Variants in FBXW8 observed in about 807,000 individuals in gnomAD.
The protein encoded by FBXW8 is F-box/WD repeat-containing protein 8.
Under a neutral mutation model 65.3 loss-of-function variants are expected in FBXW8, and 57 were observed. That is an observed-to-expected ratio of 0.87 (90% confidence interval 0.71 to 1.09). FBXW8 has a LOEUF of 1.09. Ranked by LOEUF, FBXW8 falls within the 50% of genes least tolerant of loss-of-function variation. The probability of loss-of-function intolerance (pLI) is 0.00; values close to 1 mark genes in which losing one functional copy is unlikely to be tolerated. For missense variants in FBXW8, 777 were observed against 814.8 expected (o/e 0.95, Z 0.57); for synonymous variants, 308 against 330.2 (o/e 0.93, Z 0.73).
intron 7 of FBXW8, among the ~76,000 whole-genome samples, chr12:116,999,133 G>A (rs1302484200): frequency 6.6e-6 from 1 of 152,210 alleles, no homozygotes; most frequent in Non-Finnish European, 1.5e-5. Context: ...TTAATTTACA[G>A]GGTAAATCCC....
intron 10 of FBXW8, among the ~76,000 whole-genome samples, 177 bp from the exon 11 acceptor site, chr12:117,027,851 C>G (rs112623191): frequency 2.6e-5 from 4 of 152,376 alleles, no homozygotes; most frequent in African/African-American, 9.6e-5. Context: ...TGTGCACCCC[C>G]ACGTTGACCG....
chr12:116,988,133 A>G (rs1421777338), intron 6 of FBXW8, among the ~76,000 whole-genome samples: 2 of 152,238 alleles, frequency 1.3e-5, no homozygotes, highest in Non-Finnish European at 2.9e-5. Flanking sequence ...GTTTTTAGCT[A>G]AGACACAATT....
chr12:116,975,265 G>A (rs996556816), intron 5 of FBXW8, among the ~76,000 whole-genome samples: 1 of 151,976 alleles, frequency 6.6e-6, no homozygotes, highest in African/African-American at 2.4e-5. Flanking sequence ...TAACAAAACA[G>A]TATAAACTGG....
Position 116,936,295 on chromosome 12 carries a change from G to C in FBXW8, c.423+8168G>C, listed in dbSNP as rs1025323802. On this transcript the variant is annotated intron_variant, in intron 2 of 10. Transcript: ENST00000652555. The surrounding 1 kb of genome is among the most constrained non-coding windows in gnomAD (Gnocchi z 4.6). ...GAGGCAGGGTGCGCCTGTTGTGTTT[G>C]AAGAACAGCAGGAAGGTCCAAGTGG... Among the ~76,000 whole-genome samples, 1 of 152,208 alleles carries C rather than the reference G, an allele frequency of 6.6e-6. No homozygotes were observed. Among genetic ancestry groups the C allele is most frequent in the African/African-American group, 2.4e-5 (1 of 41,446 alleles).
chr12:116,957,657 T>C (rs942386557), intron 4 of FBXW8, among the ~76,000 whole-genome samples: 1 of 152,188 alleles, frequency 6.6e-6, no homozygotes, highest in Admixed American at 6.5e-5. Context: ...TCCATTTTTC[T>C]CCTTTTTTAA....
intron 7 of FBXW8, among the ~76,000 whole-genome samples, chr12:116,989,265 C>A (rs1007562127): frequency 6.6e-6 from 1 of 152,178 alleles, no homozygotes; most frequent in Non-Finnish European, 1.5e-5. Context: ...CCAAGCTCTC[C>A]CTCTCTAGGA....
chr12:116,921,100 T>G (rs1880863836), intron 1 of FBXW8, among the ~76,000 whole-genome samples: 1 of 152,214 alleles, frequency 6.6e-6, no homozygotes, highest in African/African-American at 2.4e-5. Flanking sequence ...GATTGGCATC[T>G]TCTACCTTCT....
In FBXW8 at chr12:116,949,677, G is replaced by A. The variant is rs771554969; in HGVS notation, c.648G>A (p.Val216=). The A allele has an allele frequency of 3.7e-6, 6 of 1,614,186 alleles. No individual in the cohort carries two copies. The East Asian group carries it at 1.3e-4, about 36-fold the overall frequency. Residue 216 remains valine (V), a synonymous_variant, in exon 4 of 11, where the codon GTG becomes GTA. Coordinates refer to ENST00000652555, the MANE Select transcript of FBXW8 (RefSeq NM_153348.3). ...TTCCTGACACAGTTTTGTGTGATGT[G>A]CATTCTCACGATGGTGTGGTCATTG... ...EHVPDTVLCD[V]HSHDGVVIAG...
intron 7 of FBXW8, chr12:117,002,648 C>T (rs1258474292): frequency 6.6e-6 from 1 of 152,202 alleles, no homozygotes. Flanking sequence ...CAAGGACTTA[C>T]AAAATAGTCT....
rs777410294 is a variant in FBXW8, at chr12:117,024,166, C to T, written c.1387C>T (p.Arg463Cys). 19 of 1,613,924 alleles carry T rather than the reference C, an allele frequency of 1.2e-5. No homozygotes were observed. The highest frequency in any genetic ancestry group is 2.2e-5 in the East Asian group (1 of 44,882). The change falls in exon 9 of 11, where the codon CGC becomes TGC. Residue 463 changes from arginine to cysteine, a missense_variant. Coordinates refer to ENST00000652555, the MANE Select transcript of FBXW8 (RefSeq NM_153348.3). The part of the protein sequence containing the change: ...MDGRVRIHDL[R>C]SGNIALSLSA... ...GTCCAGGGTGAGGATCCACGACCTCCGCAGTGGTAACATCGCCCTGTCGCT... is the reference window on the plus strand; with the variant it reads ...GTCCAGGGTGAGGATCCACGACCTCTGCAGTGGTAACATCGCCCTGTCGCT...
intron 8 of FBXW8, among the ~76,000 whole-genome samples, chr12:117,012,556 G>T (rs1346023345): frequency 9.9e-5 from 15 of 152,156 alleles, no homozygotes. Context: ...GAATGAGGAA[G>T]CTAGACTAAG....
At chr12:116,979,903 G>A (rs530842091) in intron 5 of FBXW8, among the ~76,000 whole-genome samples, 13 of 152,142 alleles carry the variant, frequency 8.5e-5, no homozygotes, top group Admixed American at 2.6e-4. Flanking sequence ...GAGAGAAGTC[G>A]TAGAGATCTT....
At chr12:116,942,852 A>ACTGCAACCTCTGCCTCC (rs1314373526) in intron 2 of FBXW8, among the ~76,000 whole-genome samples, 1 of 125,022 alleles carries the variant, frequency 8.0e-6, no homozygotes, top group African/African-American at 3.2e-5. Context: ...ATCTCGGCTC[A>ACTGCAACCTCTGCCTCC]CTGCAACCTC....
chr12:116,911,163 C>T lies in FBXW8; in HGVS notation c.126C>T (p.Gly42=). The change falls in exon 1 of 11, where the codon GGC becomes GGT. Residue 42 remains glycine (G), a synonymous_variant. Transcript: ENST00000652555. ...GGCGGGCTCGGCGGCCGGAGGTGGGCTCCGGGCGCGGCGAACAGGCCTCGG... is the reference window on the plus strand; with the variant it reads ...GGCGGGCTCGGCGGCCGGAGGTGGGTTCCGGGCGCGGCGAACAGGCCTCGG... ...AERRARRPEV[G]SGRGEQASGD... is the part of the protein sequence containing the mutation. 1 of 1,334,678 alleles carries T rather than the reference C, an allele frequency of 7.5e-7. No individual in the cohort carries two copies. The highest frequency in any genetic ancestry group is 2.0e-5 in the South Asian group (1 of 49,860). 82.7% of individuals were successfully genotyped at this position (1,334,678 alleles called of 1,614,324 possible).
intron 2 of FBXW8, among the ~76,000 whole-genome samples, chr12:116,939,433 CGTTTT>C (rs1185511804): frequency 1.3e-5 from 2 of 152,172 alleles, no homozygotes; most frequent in African/African-American, 4.8e-5. Context: ...AATTCTGCTT[CGTTTT>C]GTTTAAAGCA....
chr12:116,964,416 T>TA (rs1884179774), intron 4 of FBXW8, among the ~76,000 whole-genome samples: 1 of 152,324 alleles, frequency 6.6e-6, no homozygotes, highest in Admixed American at 6.5e-5. Context: ...TGTAATAGTG[T>TA]AAAAGGAAAA....
intron 1 of FBXW8, among the ~76,000 whole-genome samples, chr12:116,923,656 TG>T (rs1334911873): frequency 6.6e-6 from 1 of 151,916 alleles, no homozygotes; most frequent in African/African-American, 2.4e-5. Context: ...CTCGAGTAGC[TG>T]GGACTACAGG....
rs538481783 is a variant in FBXW8 at position 117,028,256 on chromosome 12, T to C, written c.*84T>C. On this transcript the variant is annotated 3_prime_UTR_variant, in exon 11 of 11. Coordinates refer to ENST00000652555, the MANE Select transcript of FBXW8 (RefSeq NM_153348.3). This position sits in a 1 kb window ranked among gnomAD's most constrained non-coding sequence, Gnocchi z 4.1. ...AAAACGCCAGGCACCTCTTCACAGG[T>C]GGTAAACATTTAGGGGAAGAAAGCA... is the stretch of plus-strand genomic sequence containing the variant. The C allele has an allele frequency of 4.6e-4, 703 of 1,529,830 alleles. No homozygotes were observed. Among genetic ancestry groups the C allele is most frequent in the Non-Finnish European group, 5.7e-4 (646 of 1,128,066 alleles). The allele number at this position is 1,529,830 out of a possible 1,614,324, so 94.8% of individuals were successfully genotyped here. A position where few individuals can be genotyped will look rare whatever the true frequency, so the allele number is the denominator to read the frequency against.
chr12:116,912,219 G>A (rs1285713159), intron 1 of FBXW8, among the ~76,000 whole-genome samples: 1 of 132,962 alleles, frequency 7.5e-6, no homozygotes, highest in Non-Finnish European at 1.6e-5. Context: ...ACAGGGTCTT[G>A]CTCTGTTGCC....
Sources: gnomAD v4.1 joint callset for allele counts (sites outside exome capture counted in the v4.1 genomes callset) on GRCh38, gnomAD v4.1.1 for gene constraint, Gnocchi (gnomAD v3.1) non-coding constraint, MANE v1.5 for transcripts, NCBI Gene and HGNC (gene_info 2026-07-23, HGNC 2026-07-21) for gene names.